The following SSBP2 variants were observed in gnomAD, a reference collection of about 807,000 sequenced individuals.
The protein encoded by SSBP2 is single stranded DNA binding protein 2.
In SSBP2, 17 loss-of-function variants were observed where a neutral mutation model predicts 61.8. The observed-to-expected ratio is 0.28, with a 90% CI of 0.19 to 0.41. SSBP2 has a LOEUF of 0.41. Among genes scored for constraint, SSBP2 ranks in the 10% least tolerant of loss-of-function variants. SSBP2 has a pLI of 1.00. For missense variants in SSBP2, 310 were observed against 458.7 expected (o/e 0.68, Z 2.96); for synonymous variants, 139 against 141.3 (o/e 0.98, Z 0.12).
intron 2 of SSBP2, among the ~76,000 whole-genome samples, chr5:81,648,221 C>T (rs1194677353): frequency 1.3e-5 from 2 of 152,088 alleles, no homozygotes; most frequent in African/African-American, 2.4e-5. Context: ...ATCACTTCTT[C>T]TATAATATCA....
chr5:81,513,845 C>T, intron 4 of SSBP2, 128 bp from the exon 5 acceptor site: 3 of 584,346 alleles, frequency 5.1e-6, no homozygotes, highest in East Asian at 5.9e-5. Context: ...TAATTTTCCC[C>T]ATCCTAGAAG....
At chr5:81,424,432 CATAA>C (rs144602450) in intron 16 of SSBP2, among the ~76,000 whole-genome samples, 1 of 151,252 alleles carries the variant, frequency 6.6e-6, no homozygotes. Context: ...CTCAAAAATA[CATAA>C]ATAAATAAAT....
intron 13 of SSBP2, 126 bp from the exon 14 acceptor site, chr5:81,440,762 T>G (rs1253357006): frequency 4.7e-6 from 3 of 639,822 alleles, no homozygotes; most frequent in Non-Finnish European, 7.9e-6. Context: ...TATGGAGATC[T>G]TTTACTTGAT....
intron 2 of SSBP2, among the ~76,000 whole-genome samples, chr5:81,641,059 G>C (rs1469122172): frequency 6.6e-6 from 1 of 152,142 alleles, no homozygotes; most frequent in Non-Finnish European, 1.5e-5. Flanking sequence ...AGAACAATGT[G>C]ACATAGCTTA....
chr5:81,421,312 C>T (rs1273928958), intron 16 of SSBP2, among the ~76,000 whole-genome samples: 2 of 152,052 alleles, frequency 1.3e-5, no homozygotes, highest in African/African-American at 4.8e-5. Flanking sequence ...ACCACCTCAG[C>T]CTCCCCAGTA....
At chr5:81,716,882 T>C (rs1755203619) in intron 1 of SSBP2, among the ~76,000 whole-genome samples, 1 of 152,210 alleles carries the variant, frequency 6.6e-6, no homozygotes. Context: ...CAAGTATGTG[T>C]GTATCGCTCT....
chr5:81,735,685 A>T (rs140581134), intron 1 of SSBP2, among the ~76,000 whole-genome samples: 6 of 152,330 alleles, frequency 3.9e-5, no homozygotes, highest in African/African-American at 1.4e-4. Flanking sequence ...GAGAGGACTG[A>T]CTGTATATTT....
chr5:81,631,754 C>G (rs1200886167), intron 3 of SSBP2, among the ~76,000 whole-genome samples: 1 of 152,176 alleles, frequency 6.6e-6, no homozygotes, highest in Non-Finnish European at 1.5e-5. Flanking sequence ...CCACCACCCT[C>G]AGTACCCTCA....
intron 1 of SSBP2, among the ~76,000 whole-genome samples, chr5:81,693,040 C>T (rs1048949159): frequency 6.6e-6 from 1 of 151,672 alleles, no homozygotes; most frequent in Non-Finnish European, 1.5e-5. Flanking sequence ...CTTGTCTCTA[C>T]TAAAATACAA....
chr5:81,572,723 CCT>C (rs2153450111), intron 4 of SSBP2, among the ~76,000 whole-genome samples: 1 of 152,268 alleles, frequency 6.6e-6, no homozygotes, highest in East Asian at 1.9e-4. Flanking sequence ...CAGTACTCTT[CCT>C]CTTTTAACTT....
intron 5 of SSBP2, among the ~76,000 whole-genome samples, chr5:81,491,671 T>C (rs1766861997): frequency 6.6e-6 from 1 of 152,114 alleles, no homozygotes; most frequent in East Asian, 1.9e-4. Context: ...ATTACTCTTA[T>C]ATGTCCTCCT....
At chr5:81,580,120 G>C (rs1774529935) in intron 4 of SSBP2, among the ~76,000 whole-genome samples, 3 of 152,032 alleles carry the variant, frequency 2.0e-5, no homozygotes, top group Admixed American at 1.3e-4. Flanking sequence ...TGAACTGTGA[G>C]GAATGGGAGT....
intron 1 of SSBP2, among the ~76,000 whole-genome samples, chr5:81,724,002 G>T: frequency 6.6e-6 from 1 of 151,912 alleles, no homozygotes; most frequent in East Asian, 1.9e-4. Flanking sequence ...ACTTAACTCT[G>T]CTGCTCTCTT....
intron 4 of SSBP2, among the ~76,000 whole-genome samples, chr5:81,594,621 AC>A (rs1743512204): frequency 6.6e-6 from 1 of 152,234 alleles, no homozygotes; most frequent in Non-Finnish European, 1.5e-5. Flanking sequence ...ATGTAAAAGA[AC>A]AGAAACTATA....
chr5:81,720,191 A>G (rs905487883), intron 1 of SSBP2, among the ~76,000 whole-genome samples: 12 of 152,186 alleles, frequency 7.9e-5, no homozygotes, highest in African/African-American at 2.9e-4. Flanking sequence ...AACTCTGGTA[A>G]CATCAACCAT....
At chr5:81,558,915 A>T (rs1772811150) in intron 4 of SSBP2, among the ~76,000 whole-genome samples, 1 of 152,212 alleles carries the variant, frequency 6.6e-6, no homozygotes, top group Non-Finnish European at 1.5e-5. Flanking sequence ...TATCAGAGGA[A>T]CATCTAAGAA....
At chr5:81,550,420 A>T (rs1772082561) in intron 4 of SSBP2, among the ~76,000 whole-genome samples, 1 of 152,210 alleles carries the variant, frequency 6.6e-6, no homozygotes, top group Non-Finnish European at 1.5e-5. Flanking sequence ...AAATAGCATT[A>T]TTGAAATGTC....
At chr5:81,454,288 AG>A (rs1561419368) in intron 10 of SSBP2, among the ~76,000 whole-genome samples, 1 of 152,234 alleles carries the variant, frequency 6.6e-6, no homozygotes, top group Non-Finnish European at 1.5e-5. Flanking sequence ...GCATGGCACT[AG>A]AGGAAAGTTC....
chr5:81,485,078 A>C (rs905931749), intron 6 of SSBP2, among the ~76,000 whole-genome samples: 1 of 152,018 alleles, frequency 6.6e-6, no homozygotes, highest in African/African-American at 2.4e-5. Context: ...AATACTGTGA[A>C]TTTTTCTGAT....
Sources: allele counts gnomAD v4.1 joint callset (sites outside exome capture counted in the v4.1 genomes callset), GRCh38; gene constraint gnomAD v4.1.1; transcripts MANE v1.5; gene names NCBI Gene and HGNC (gene_info 2026-07-23, HGNC 2026-07-21).